The following ROBO1 variants were observed in gnomAD, a reference collection of about 807,000 sequenced individuals.
ROBO1 encodes roundabout guidance receptor 1, also known as roundabout homolog 1.
ROBO1 carries 149 observed loss-of-function variants against 195.9 expected under a neutral mutation model. That is an observed-to-expected ratio of 0.76 (90% CI 0.67 to 0.87). ROBO1 has a LOEUF of 0.87. ROBO1 is among the 40% of genes least tolerant of loss of function. The pLI is 0.00. For missense variants in ROBO1, 1,933 were observed against 2,068.3 expected (o/e 0.93, Z 1.27); for synonymous variants, 816 against 733.2 (o/e 1.11, Z -1.82).
chr3:79,099,079 CTTG>C (rs1437826011), intron 3 of ROBO1, among the ~76,000 whole-genome samples: 1 of 151,628 alleles, frequency 6.6e-6, no homozygotes, highest in Non-Finnish European at 1.5e-5. Flanking sequence ...TTCAAAAATT[CTTG>C]TTTTCTCTTC....
intron 2 of ROBO1, among the ~76,000 whole-genome samples, chr3:79,517,288 C>T (rs545732590): frequency 6.6e-6 from 1 of 152,278 alleles, no homozygotes; most frequent in African/African-American, 2.4e-5. Flanking sequence ...GAATTTCCAG[C>T]GAGTGCTTCT....
intron 1 of ROBO1, among the ~76,000 whole-genome samples, chr3:79,745,915 AT>A (rs1177392503): frequency 1.3e-5 from 2 of 152,066 alleles, no homozygotes; most frequent in Non-Finnish European, 2.9e-5. Context: ...TATTCATATA[AT>A]TATATGTTCT....
Position 78,617,817 on chromosome 3 carries a change from G to T in ROBO1, c.4100C>A (p.Thr1367Lys). The T allele has an allele frequency of 6.2e-7, 1 of 1,613,880 alleles. No homozygotes were observed. Among genetic ancestry groups the T allele is most frequent in the African/African-American group, 1.3e-5 (1 of 75,034 alleles). Residue 1367 changes from threonine to lysine, a missense_variant, in exon 27 of 31, where the codon ACG becomes AAG. Physicochemically the swap from Thr to Lys is moderately conservative, Grantham distance 78 (BLOSUM62 -1). Around this residue, in one of 3 missense-constraint regions of ROBO1, gnomAD observed 1,737 missense variants for 1,882.5 expected, o/e 0.92. Transcript: ENST00000464233. ...GCCCCAGCCGTTGATCATGGACCCC[G>T]TGACAGAGCTCTCCAGGTCCCCAAC... is the stretch of plus-strand genomic sequence containing the variant. ...SSVGDLESSV[T>K]GSMINGWGSA...
At chr3:78,845,432 G>A (rs1308357444) in intron 4 of ROBO1, among the ~76,000 whole-genome samples, 1 of 151,736 alleles carries the variant, frequency 6.6e-6, no homozygotes, top group Non-Finnish European at 1.5e-5. Context: ...TACACATGTG[G>A]CTCATATTTG....
At chr3:78,682,439 G>A (rs1456399584) in intron 10 of ROBO1, among the ~76,000 whole-genome samples, 1 of 147,460 alleles carries the variant, frequency 6.8e-6, no homozygotes, top group Non-Finnish European at 1.5e-5. Context: ...ATTTTGATAT[G>A]ACTGTGTGTA....
At chr3:78,782,500 A>T (rs1276276804) in intron 4 of ROBO1, among the ~76,000 whole-genome samples, 2 of 151,976 alleles carry the variant, frequency 1.3e-5, no homozygotes, top group African/African-American at 4.8e-5. Flanking sequence ...CCTGGCCCAT[A>T]AATTGAAATT....
intron 4 of ROBO1, among the ~76,000 whole-genome samples, chr3:78,912,304 T>G (rs931663945): frequency 6.6e-6 from 1 of 152,050 alleles, no homozygotes; most frequent in Non-Finnish European, 1.5e-5. Flanking sequence ...TAAATTATAC[T>G]AATAAGCAAC....
Position 78,914,757 on chromosome 3 carries a change from T to TTATA in ROBO1, c.499+23840_499+23843dup, listed in dbSNP as rs3040518. Among the ~76,000 whole-genome samples the TTATA allele has an allele frequency of 2.4e-3, 354 of 146,516 alleles. 1 individual carries two copies. Among genetic ancestry groups the TTATA allele is most frequent in the Admixed American group, 4.6e-3 (67 of 14,568 alleles). On this transcript the variant is annotated intron_variant, in intron 4 of 30. Transcript: ENST00000464233. ...TTATACCATGTATACATTTTATAAA[T>TTATA]TATATATATATATTTATATAAATAT...
chr3:79,394,547 C>A (rs1041093562), intron 2 of ROBO1, among the ~76,000 whole-genome samples: 2 of 151,624 alleles, frequency 1.3e-5, no homozygotes, highest in Non-Finnish European at 2.9e-5. Flanking sequence ...AATATAGATA[C>A]ATGTATTCTT....
intron 3 of ROBO1, among the ~76,000 whole-genome samples, chr3:78,962,109 G>T (rs1290452425): frequency 1.3e-5 from 2 of 152,212 alleles, no homozygotes; most frequent in African/African-American, 4.8e-5. Context: ...CTTGATCAAA[G>T]TTGACAACAA....
intron 14 of ROBO1, among the ~76,000 whole-genome samples, chr3:78,662,756 A>T (rs916530838): frequency 3.3e-5 from 5 of 152,190 alleles, no homozygotes; most frequent in Non-Finnish European, 7.3e-5. Flanking sequence ...TTAATTGATG[A>T]TCCTTTAGTT....
intron 1 of ROBO1, among the ~76,000 whole-genome samples, chr3:79,599,350 T>C (rs1397485415): frequency 6.6e-6 from 1 of 152,066 alleles, no homozygotes; most frequent in South Asian, 2.1e-4. Context: ...ACTTCTGGAT[T>C]AGATATTTTT....
At chr3:78,600,459 G>A in intron 29 of ROBO1, 150 bp from the exon 30 acceptor site, 1 of 611,964 alleles carries the variant, frequency 1.6e-6, no homozygotes, top group Non-Finnish European at 2.9e-6. Flanking sequence ...AATGAATAAT[G>A]TAGCATAGTG....
intron 2 of ROBO1, among the ~76,000 whole-genome samples, chr3:79,302,091 A>G (rs895448433): frequency 6.6e-6 from 1 of 152,192 alleles, no homozygotes. Context: ...TGGCTAAAGT[A>G]AAATGAAGGG....
chr3:79,713,586 T>A (rs1251746739), intron 1 of ROBO1, among the ~76,000 whole-genome samples: 1 of 152,140 alleles, frequency 6.6e-6, no homozygotes, highest in Non-Finnish European at 1.5e-5. Context: ...GTGCAGAAGC[T>A]TTTTAGTTTA....
intron 2 of ROBO1, among the ~76,000 whole-genome samples, chr3:79,547,184 CAAAAAAAAA>C (rs1162585941): frequency 0.012 from 271 of 23,244 alleles, no homozygotes; most frequent in Non-Finnish European, 0.017. Flanking sequence ...GACTCCGCCT[CAAAAAAAAA>C]AAAAAAAAAA....
chr3:78,801,059 G>T (rs9858653), intron 4 of ROBO1, among the ~76,000 whole-genome samples: 7 of 152,126 alleles, frequency 4.6e-5, no homozygotes, highest in Non-Finnish European at 8.8e-5. Context: ...CACAAAGTTA[G>T]AGCACTTATT....
chr3:79,570,125 G>T (rs1240345830), intron 2 of ROBO1, among the ~76,000 whole-genome samples: 1 of 151,704 alleles, frequency 6.6e-6, no homozygotes, highest in Non-Finnish European at 1.5e-5. Flanking sequence ...AACAATAAAA[G>T]CATCCAACAA....
intron 2 of ROBO1, among the ~76,000 whole-genome samples, chr3:79,414,306 T>G (rs2037909101): frequency 1.3e-5 from 2 of 151,938 alleles, no homozygotes; most frequent in South Asian, 4.2e-4. Context: ...TTGTGGGCTT[T>G]GCTTTATTAT....
Sources: allele counts gnomAD v4.1 joint callset (sites outside exome capture counted in the v4.1 genomes callset), GRCh38; gene constraint gnomAD v4.1.1; regional missense constraint gnomAD v4.1.1; transcripts MANE v1.5; gene names NCBI Gene and HGNC (gene_info 2026-07-23, HGNC 2026-07-21).